Variants in PTPN3 observed in about 807,000 individuals in gnomAD.
PTPN3 encodes the protein tyrosine-protein phosphatase non-receptor type 3.
In PTPN3, 96 loss-of-function variants were observed where a neutral mutation model predicts 132.7. That is an observed-to-expected ratio of 0.72 (90% CI 0.61 to 0.86). The LOEUF is 0.86. PTPN3 is among the 40% of genes least tolerant of loss of function. PTPN3 has a pLI of 0.00. For synonymous variants in PTPN3, 398 were observed against 429.0 expected (o/e 0.93, Z 0.89); for missense variants, 1,125 against 1,159.6 (o/e 0.97, Z 0.43).
chr9:109,435,141 CAAAT>C (rs1192842135), intron 9 of PTPN3, among the ~76,000 whole-genome samples: 3 of 152,172 alleles, frequency 2.0e-5, no homozygotes, highest in Non-Finnish European at 4.4e-5. Context: ...AACAAGGAAA[CAAAT>C]GAATGGTTTG....
intron 19 of PTPN3, 50 bp from the exon 20 acceptor site, chr9:109,391,611 A>G (rs1394680365): frequency 2.1e-6 from 3 of 1,454,338 alleles, no homozygotes; most frequent in Non-Finnish European, 2.9e-6. Flanking sequence ...TCAGATGAAG[A>G]AAGTGTGAAA....
At chr9:109,438,356 C>CATGTGGTGTAGAACT in intron 7 of PTPN3, 122 bp from the exon 8 acceptor site, 1 of 1,086,084 alleles carries the variant, frequency 9.2e-7, no homozygotes, top group Non-Finnish European at 1.3e-6. Context: ...CTGGTAAGTT[C>CATGTGGTGTAGAACT]TACACCACAT....
intron 14 of PTPN3, among the ~76,000 whole-genome samples, chr9:109,417,044 T>C (rs763250404): frequency 2.0e-5 from 3 of 152,254 alleles, no homozygotes; most frequent in East Asian, 1.9e-4. Context: ...AGCTTTTTCA[T>C]TTCTGCCATG....
At chr9:109,452,359 T>C (rs756607063) in intron 5 of PTPN3, among the ~76,000 whole-genome samples, 51 of 152,094 alleles carry the variant, frequency 3.4e-4, no homozygotes, top group Non-Finnish European at 7.1e-4. Flanking sequence ...TTTGCTTCAG[T>C]AATTTATATA....
At chr9:109,449,729 CA>C in intron 5 of PTPN3, 1 of 985,402 alleles carries the variant, frequency 1.0e-6, no homozygotes, top group Non-Finnish European at 1.2e-6. Flanking sequence ...GCCAAGATGA[CA>C]AAAGGGAAAC....
chr9:109,484,220 C>T (rs1847100348), intron 1 of PTPN3, among the ~76,000 whole-genome samples: 1 of 152,160 alleles, frequency 6.6e-6, no homozygotes, highest in Admixed American at 6.5e-5. Flanking sequence ...CACAGCAGTC[C>T]CTCTGTCCAG....
chr9:109,433,211 G>A, intron 9 of PTPN3, 50 bp from the exon 10 acceptor site: 1 of 1,606,028 alleles, frequency 6.2e-7, no homozygotes, highest in Non-Finnish European at 8.5e-7. Context: ...TCATGCTTAT[G>A]CCCTCTGGTG....
At chr9:109,533,435 C>A in the PTPN3 span, 1 of 1,379,118 alleles carries the variant, frequency 7.3e-7, no homozygotes, top group Non-Finnish European at 1.0e-6. Flanking sequence ...CATGAGCCAC[C>A]GCACCTGGCC....
the PTPN3 span, among the ~76,000 whole-genome samples, chr9:109,516,732 C>G: frequency 6.6e-6 from 1 of 152,148 alleles, no homozygotes; most frequent in East Asian, 1.9e-4. Context: ...GTGGAGAAGG[C>G]AAAGACTCTT....
At chr9:109,449,119 G>T in intron 5 of PTPN3, 1 of 1,274,320 alleles carries the variant, frequency 7.8e-7, no homozygotes, top group African/African-American at 1.5e-5. Flanking sequence ...GCTGAGCAGG[G>T]ATGAATGGGG....
chr9:109,420,334 G>T, intron 14 of PTPN3, 90 bp downstream of exon 14: 1 of 1,357,498 alleles, frequency 7.4e-7, no homozygotes, highest in Non-Finnish European at 9.9e-7. Context: ...ACCAGCTCTT[G>T]GTTCCTCTCA....
chr9:109,506,506 T>TCCTTCCTTCTTTCCTTCCTTCCTC, the PTPN3 span, among the ~76,000 whole-genome samples: 1 of 149,916 alleles, frequency 6.7e-6, no homozygotes, highest in Admixed American at 6.6e-5. Flanking sequence ...CTTCTTTCCT[T>TCCTTCCTTCTTTCCTTCCTTCCTC]CCTTCCTTCT....
intron 22 of PTPN3, among the ~76,000 whole-genome samples, chr9:109,388,888 T>G (rs1451768749): frequency 6.6e-6 from 1 of 152,208 alleles, no homozygotes; most frequent in Non-Finnish European, 1.5e-5. Flanking sequence ...AATTTCTCCT[T>G]TTTACAAAGG....
At chr9:109,524,533 G>T in the PTPN3 span, among the ~76,000 whole-genome samples, 2 of 152,142 alleles carry the variant, frequency 1.3e-5, no homozygotes, top group Non-Finnish European at 2.9e-5. Flanking sequence ...CCTGTGTAGG[G>T]ATATAAACAA....
intron 18 of PTPN3, 21 bp downstream of exon 18, chr9:109,406,441 C>T (rs1186208857): frequency 1.2e-6 from 2 of 1,608,518 alleles, no homozygotes; most frequent in Admixed American, 1.7e-5. Context: ...CCTATGGCTC[C>T]TCCCCCCAGG....
intron 7 of PTPN3, among the ~76,000 whole-genome samples, chr9:109,444,230 C>T (rs976420955): frequency 3.9e-5 from 6 of 152,156 alleles, no homozygotes; most frequent in African/African-American, 1.4e-4. Flanking sequence ...TACCTGAGTA[C>T]TATGCTGATG....
chr9:109,536,639 C>T, the PTPN3 span, among the ~76,000 whole-genome samples: 2 of 152,154 alleles, frequency 1.3e-5, no homozygotes, highest in African/African-American at 4.8e-5. Flanking sequence ...ACAGCTTTAT[C>T]CTTAGGGAAG....
chr9:109,489,596 A>T (rs1847365721), intron 1 of PTPN3, among the ~76,000 whole-genome samples: 1 of 152,064 alleles, frequency 6.6e-6, no homozygotes, highest in Non-Finnish European at 1.5e-5. Flanking sequence ...TCTGGTTGGG[A>T]TGATAAATTC....
chr9:109,522,202 C>T, the PTPN3 span, among the ~76,000 whole-genome samples: 1 of 152,230 alleles, frequency 6.6e-6, no homozygotes. Context: ...GCTATCTAGG[C>T]TTCTAAATCA....
Sources: allele counts gnomAD v4.1 joint callset (sites outside exome capture counted in the v4.1 genomes callset), GRCh38; gene constraint gnomAD v4.1.1; transcripts MANE v1.5; gene names NCBI Gene and HGNC (gene_info 2026-07-23, HGNC 2026-07-21).